Variants in COL26A1 observed in about 807,000 individuals in gnomAD.
COL26A1 encodes collagen alpha-1(XXVI) chain.
A neutral mutation model predicts 59.3 loss-of-function variants in COL26A1; 41 were observed. The ratio of observed to expected loss-of-function variants is 0.69; its 90% CI spans 0.54 to 0.90. The LOEUF is 0.90. Among genes scored for constraint, COL26A1 ranks in the 40% least tolerant of loss-of-function variants. The pLI, the probability that COL26A1 is intolerant of heterozygous loss-of-function variation, is 0.00. For synonymous variants in COL26A1, 266 were observed against 256.0 expected (o/e 1.04, Z -0.37); for missense variants, 612 against 602.3 (o/e 1.02, Z -0.17).
At chr7:101,403,143 C>T (rs540752263) in intron 1 of COL26A1, among the ~76,000 whole-genome samples, 20 of 152,176 alleles carry the variant, frequency 1.3e-4, no homozygotes, top group African/African-American at 2.6e-4. Context: ...TGCGTGTGGC[C>T]GGCAAAGTCT....
At chr7:101,373,241 G>T (rs1221075258) in intron 1 of COL26A1, among the ~76,000 whole-genome samples, 1 of 152,258 alleles carries the variant, frequency 6.6e-6, no homozygotes, top group Non-Finnish European at 1.5e-5. Flanking sequence ...CTGGCCCCTT[G>T]GTGGATCACG....
intron 1 of COL26A1, among the ~76,000 whole-genome samples, chr7:101,365,820 G>GA (rs57334672): frequency 6.7e-5 from 10 of 149,420 alleles, no homozygotes; most frequent in South Asian, 2.1e-4. Flanking sequence ...GTGTGGGAAG[G>GA]AAAAAAAAAA....
At chr7:101,379,808 A>G (rs28601817) in intron 1 of COL26A1, among the ~76,000 whole-genome samples, 32,186 of 152,100 alleles carry the variant, frequency 0.21, 4,066 homozygotes, top group African/African-American at 0.36. Flanking sequence ...CCAGCGCCAT[A>G]ACAGTTTGCA....
rs147561237 is a variant in COL26A1 at position 101,542,970 on chromosome 7, T to G, written c.605-1028T>G. 3.5e-4 allele frequency among the ~76,000 whole-genome samples: 53 copies of G among 152,008 alleles called. 1 individual carries two copies. Among genetic ancestry groups the G allele is most frequent in the Non-Finnish European group, 6.5e-4 (44 of 67,938 alleles). ...CAAGACCTTTCCAACCAGGGGAAAA[T>G]GCAGTTTCAAGAATGGCCACCAGGT... On this transcript the variant is annotated intron_variant, in intron 5 of 12. Transcript: ENST00000313669.
intron 3 of COL26A1, among the ~76,000 whole-genome samples, chr7:101,474,965 G>T (rs781745774): frequency 1.3e-5 from 2 of 152,190 alleles, no homozygotes; most frequent in Admixed American, 1.3e-4. Flanking sequence ...GGCCAAGGCG[G>T]GTGGATCCCT....
At chr7:101,375,420 GCA>G (rs1265509839) in intron 1 of COL26A1, among the ~76,000 whole-genome samples, 4 of 151,920 alleles carry the variant, frequency 2.6e-5, no homozygotes, top group Non-Finnish European at 4.4e-5. Flanking sequence ...GCATGGCTGG[GCA>G]CAGTGGCTCA....
chr7:101,454,927 T>G (rs1793432866), intron 3 of COL26A1, among the ~76,000 whole-genome samples: 1 of 152,196 alleles, frequency 6.6e-6, no homozygotes, highest in Non-Finnish European at 1.5e-5. Flanking sequence ...GGTTCAGTAT[T>G]CACTAAGGTA....
chr7:101,402,474 G>C (rs1331524004), intron 1 of COL26A1, among the ~76,000 whole-genome samples: 1 of 152,010 alleles, frequency 6.6e-6, no homozygotes, highest in Admixed American at 6.6e-5. Context: ...CCTGTAAAAA[G>C]GGGGTTGGGG....
chr7:101,422,532 T>C (rs988486496), intron 2 of COL26A1, among the ~76,000 whole-genome samples: 1 of 152,130 alleles, frequency 6.6e-6, no homozygotes, highest in Non-Finnish European at 1.5e-5. Flanking sequence ...GCCTCTTGAT[T>C]TGGGAACAGC....
intron 2 of COL26A1, among the ~76,000 whole-genome samples, chr7:101,444,912 CGGCT>C (rs1400500051): frequency 6.6e-6 from 1 of 151,906 alleles, no homozygotes; most frequent in Non-Finnish European, 1.5e-5. Flanking sequence ...GGCATGATCT[CGGCT>C]CACTGCAACC....
At chr7:101,491,747 G>A (rs1318709171) in intron 3 of COL26A1, among the ~76,000 whole-genome samples, 1 of 152,160 alleles carries the variant, frequency 6.6e-6, no homozygotes, top group African/African-American at 2.4e-5. Flanking sequence ...GTTTTGGTGG[G>A]TTTTGGCCGG....
At chr7:101,447,419 C>T (rs2130377231) in intron 2 of COL26A1, among the ~76,000 whole-genome samples, 1 of 152,356 alleles carries the variant, frequency 6.6e-6, no homozygotes, top group East Asian at 1.9e-4. Context: ...GGCCTACTCC[C>T]AGGAATGAAG....
At position 101,444,970 on chromosome 7, in the gene COL26A1, A is replaced by G. The variant is rs535489592; in HGVS notation, c.282-2714A>G. On this transcript the variant is annotated intron_variant, in intron 2 of 12. Transcript: ENST00000313669. ...GCTATTCTGCCTCAGCCTCCTGAGT[A>G]GCTGGGACTACAGGTGCCTGCCATC... Among the ~76,000 whole-genome samples, 474 of 151,856 alleles carry G rather than the reference A, an allele frequency of 3.1e-3. 3 individuals carry two copies. The highest frequency in any genetic ancestry group is 0.011 in the African/African-American group (452 of 41,428).
chr7:101,456,376 T>C (rs1239719885), intron 3 of COL26A1, among the ~76,000 whole-genome samples: 1 of 151,132 alleles, frequency 6.6e-6, no homozygotes, highest in African/African-American at 2.4e-5. Context: ...GCTGAGCTAA[T>C]TAAAAAAAAA....
At chr7:101,453,926 T>G (rs1793404255) in intron 3 of COL26A1, among the ~76,000 whole-genome samples, 1 of 152,126 alleles carries the variant, frequency 6.6e-6, no homozygotes, top group Non-Finnish European at 1.5e-5. Flanking sequence ...GGTTTTGCTG[T>G]GGTTCAGTGG....
At chr7:101,520,493 G>A (rs1020568506) in intron 3 of COL26A1, among the ~76,000 whole-genome samples, 2 of 152,088 alleles carry the variant, frequency 1.3e-5, no homozygotes, top group African/African-American at 2.4e-5. Context: ...CGACCACCCT[G>A]GGCAACATAC....
At chr7:101,456,471 C>A (rs1238726557) in intron 3 of COL26A1, among the ~76,000 whole-genome samples, 1 of 151,982 alleles carries the variant, frequency 6.6e-6, no homozygotes, top group Non-Finnish European at 1.5e-5. Flanking sequence ...TCGAGACCAG[C>A]CTGACCAACA....
intron 2 of COL26A1, among the ~76,000 whole-genome samples, chr7:101,442,044 T>C (rs1793071292): frequency 6.6e-6 from 1 of 152,112 alleles, no homozygotes; most frequent in South Asian, 2.1e-4. Context: ...GCTCCATTGA[T>C]CCCATCGTGC....
intron 1 of COL26A1, among the ~76,000 whole-genome samples, chr7:101,395,517 C>A (rs368379701): frequency 1.3e-5 from 2 of 152,186 alleles, no homozygotes; most frequent in African/African-American, 4.8e-5. Flanking sequence ...TAGGTGGGAA[C>A]TGGCCGTCTG....
Sources: allele counts gnomAD v4.1 joint callset (sites outside exome capture counted in the v4.1 genomes callset), GRCh38; gene constraint gnomAD v4.1.1; transcripts MANE v1.5; gene names NCBI Gene and HGNC (gene_info 2026-07-23, HGNC 2026-07-21).